Variants in CAMTA1 observed in about 807,000 individuals in gnomAD.
CAMTA1 encodes calmodulin binding transcription activator 1.
Under a neutral mutation model 170.9 loss-of-function variants are expected in CAMTA1, and 27 were observed. The observed-to-expected ratio is 0.16, with a 90% CI of 0.12 to 0.22. CAMTA1 has a LOEUF of 0.22. CAMTA1 is among the 10% of genes least tolerant of loss of function. CAMTA1 has a pLI of 1.00. For synonymous variants in CAMTA1, 833 were observed against 891.5 expected (o/e 0.93, Z 1.17); for missense variants, 1,619 against 2,217.2 (o/e 0.73, Z 5.42).
chr1:7,537,421 G>A (rs896236332), intron 6 of CAMTA1, among the ~76,000 whole-genome samples: 1 of 152,234 alleles, frequency 6.6e-6, no homozygotes, highest in Non-Finnish European at 1.5e-5. Flanking sequence ...AGGACAGAGA[G>A]GCCCCTGCCC....
At chr1:6,949,055 G>A (rs898868729) in intron 3 of CAMTA1, among the ~76,000 whole-genome samples, 1 of 152,194 alleles carries the variant, frequency 6.6e-6, no homozygotes, top group African/African-American at 2.4e-5. Context: ...CAAGGGACCT[G>A]TTCAAGCAAA....
chr1:7,619,274 T>C (rs895072936), intron 6 of CAMTA1, among the ~76,000 whole-genome samples: 2 of 152,228 alleles, frequency 1.3e-5, no homozygotes, highest in Admixed American at 6.5e-5. Context: ...ATGTATTCTA[T>C]CACCTACGCG....
At chr1:7,404,903 G>C (rs1416740408) in intron 5 of CAMTA1, among the ~76,000 whole-genome samples, 1 of 151,882 alleles carries the variant, frequency 6.6e-6, no homozygotes, top group Admixed American at 6.6e-5. Flanking sequence ...AAAATAAAAG[G>C]GTCTTTTTTT....
intron 11 of CAMTA1, among the ~76,000 whole-genome samples, chr1:7,686,688 G>A (rs2096261315): frequency 6.6e-6 from 1 of 152,136 alleles, no homozygotes; most frequent in African/African-American, 2.4e-5. Flanking sequence ...AGAATGAATT[G>A]TGTCTCCACC....
chr1:7,489,333 G>A (rs774606821), intron 6 of CAMTA1, among the ~76,000 whole-genome samples: 4 of 152,222 alleles, frequency 2.6e-5, no homozygotes, highest in African/African-American at 9.6e-5. Flanking sequence ...GAGATCTTTC[G>A]AGGGTCTTTG....
chr1:6,956,994 G>GGGCCCAGGCCAGCT (rs1553197867), intron 3 of CAMTA1, among the ~76,000 whole-genome samples: 1 of 152,186 alleles, frequency 6.6e-6, no homozygotes, highest in Non-Finnish European at 1.5e-5. Context: ...TTCCCAGCTG[G>GGGCCCAGGCCAGCT]GCTGCGAGGC....
intron 6 of CAMTA1, among the ~76,000 whole-genome samples, chr1:7,601,201 G>A (rs1466676307): frequency 6.7e-5 from 10 of 149,650 alleles, no homozygotes; most frequent in East Asian, 2.0e-4. Context: ...GCTGCTGGGC[G>A]GAGACGCTCC....
intron 11 of CAMTA1, among the ~76,000 whole-genome samples, chr1:7,728,493 G>A (rs994118000): frequency 2.0e-5 from 3 of 152,252 alleles, no homozygotes; most frequent in African/African-American, 4.8e-5. Flanking sequence ...TCTGGAACAA[G>A]TGAAATGGAT....
intron 3 of CAMTA1, among the ~76,000 whole-genome samples, chr1:7,085,508 C>T (rs1640619306): frequency 6.6e-6 from 1 of 152,246 alleles, no homozygotes; most frequent in African/African-American, 2.4e-5. Context: ...CCACCACCCA[C>T]ATAGAGCTAG....
chr1:6,997,388 A>G (rs1697433374), intron 3 of CAMTA1, among the ~76,000 whole-genome samples: 1 of 152,044 alleles, frequency 6.6e-6, no homozygotes, highest in Non-Finnish European at 1.5e-5. Flanking sequence ...TTGAGGCCAA[A>G]TTCCGAGGTG....
rs566478221 is a variant in CAMTA1 at position 7,512,855 on chromosome 1, A to G, written c.510+44954A>G. Among the ~76,000 whole-genome samples the G allele has an allele frequency of 2.6e-4, 40 of 152,304 alleles. No homozygotes were observed. In the South Asian group the frequency reaches 7.9e-3, roughly 30 times the overall value. ...GAGCCAGGAGAAGACTAGGTAGGAC[A>G]GGGCATCAGGGCAAGGGGACAGTCA... On this transcript the variant is annotated intron_variant, in intron 6 of 22. Transcript: ENST00000303635.
chr1:7,444,466 C>T (rs1382444533), intron 5 of CAMTA1, among the ~76,000 whole-genome samples: 1 of 152,242 alleles, frequency 6.6e-6, no homozygotes, highest in Non-Finnish European at 1.5e-5. Flanking sequence ...ATAGTGCACT[C>T]TGCCCAGCCC....
chr1:7,636,559 A>G (rs1331769843), intron 6 of CAMTA1, among the ~76,000 whole-genome samples: 2 of 152,164 alleles, frequency 1.3e-5, no homozygotes, highest in Non-Finnish European at 2.9e-5. Flanking sequence ...TCTACTAAAA[A>G]TTAGCCGGGC....
chr1:7,053,710 A>C (rs1251160257), intron 3 of CAMTA1, among the ~76,000 whole-genome samples: 3 of 152,096 alleles, frequency 2.0e-5, no homozygotes, highest in Admixed American at 1.3e-4. Flanking sequence ...TCTTGCCTGC[A>C]ATGCCCTTCC....
intron 3 of CAMTA1, among the ~76,000 whole-genome samples, chr1:6,846,012 G>A (rs985765221): frequency 3.3e-5 from 5 of 152,128 alleles, no homozygotes; most frequent in East Asian, 1.9e-4. Context: ...GGGAACTCCC[G>A]TTTATAAAAC....
intron 9 of CAMTA1, among the ~76,000 whole-genome samples, chr1:7,667,618 C>T (rs2096012953): frequency 6.6e-6 from 1 of 152,092 alleles, no homozygotes; most frequent in African/African-American, 2.4e-5. Flanking sequence ...GGGTGCAGAC[C>T]CACACCCCAG....
intron 5 of CAMTA1, among the ~76,000 whole-genome samples, chr1:7,276,456 G>A (rs1054213505): frequency 3.3e-5 from 5 of 150,444 alleles, no homozygotes; most frequent in Non-Finnish European, 5.9e-5. Context: ...GACTACAGGC[G>A]CCCGCCACCA....
At chr1:6,911,370 G>C (rs1679646199) in intron 3 of CAMTA1, among the ~76,000 whole-genome samples, 1 of 152,208 alleles carries the variant, frequency 6.6e-6, no homozygotes, top group African/African-American at 2.4e-5. Flanking sequence ...TGGGGGATGA[G>C]GAGAAGGGGC....
At chr1:7,724,101 G>A (rs570606432) in intron 11 of CAMTA1, among the ~76,000 whole-genome samples, 53 of 152,284 alleles carry the variant, frequency 3.5e-4, no homozygotes, top group South Asian at 1.4e-3. Context: ...TTACAGGCGC[G>A]AGCCACTGCG....
Sources: allele counts gnomAD v4.1 joint callset (sites outside exome capture counted in the v4.1 genomes callset), GRCh38; gene constraint gnomAD v4.1.1; transcripts MANE v1.5; gene names NCBI Gene and HGNC (gene_info 2026-07-23, HGNC 2026-07-21).